The following PDZD2 variants were observed in gnomAD, a reference collection of about 807,000 sequenced individuals.
PDZD2 encodes PDZ domain-containing protein 2.
PDZD2 carries 90 observed loss-of-function variants against 220.7 expected under a neutral mutation model. That is an observed-to-expected ratio of 0.41 (90% CI 0.34 to 0.49). The LOEUF (loss-of-function observed/expected upper bound fraction) is 0.49, where lower values mean the gene tolerates loss of function less well. PDZD2 is among the 20% of genes least tolerant of loss of function. The pLI, the probability that PDZD2 is intolerant of heterozygous loss-of-function variation, is 0.28. For missense variants in PDZD2, 3,174 were observed against 3,608.5 expected (o/e 0.88, Z 3.08); for synonymous variants, 1,375 against 1,450.5 (o/e 0.95, Z 1.18).
rs189870506 is a variant in PDZD2 at position 31,953,449 on chromosome 5, G to T, written c.477-29706G>T. Among the ~76,000 whole-genome samples the T allele has an allele frequency of 7.8e-4, 119 of 152,266 alleles. 1 individual carries two copies. Among genetic ancestry groups the T allele is most frequent in the Non-Finnish European group, 1.6e-4 (11 of 68,034 alleles). On this transcript the variant is annotated intron_variant, in intron 2 of 24. Transcript: ENST00000438447. ...ATCTAGAGTGGCTAAGCCTCCTGAA[G>T]TAAGACTATCAGTGCAGGAAGTCAT...
intron 6 of PDZD2, among the ~76,000 whole-genome samples, chr5:32,018,625 G>A (rs963377125): frequency 4.6e-5 from 7 of 152,234 alleles, no homozygotes; most frequent in African/African-American, 1.7e-4. Flanking sequence ...CCCGCAGCAG[G>A]CGGCCACACA....
At chr5:31,906,700 G>A (rs1051088113) in intron 2 of PDZD2, among the ~76,000 whole-genome samples, 2 of 151,940 alleles carry the variant, frequency 1.3e-5, no homozygotes, top group African/African-American at 2.4e-5. Context: ...AAAATTAGCC[G>A]GGCATGGTGG....
At chr5:32,069,071 G>T (rs1354498875) in intron 14 of PDZD2, among the ~76,000 whole-genome samples, 3 of 152,032 alleles carry the variant, frequency 2.0e-5, no homozygotes, top group African/African-American at 7.2e-5. Context: ...TTCAAGACCA[G>T]CCTGACCAAT....
intron 2 of PDZD2, among the ~76,000 whole-genome samples, chr5:31,800,031 A>G (rs1427807522): frequency 6.6e-6 from 1 of 152,034 alleles, no homozygotes; most frequent in Non-Finnish European, 1.5e-5. Context: ...ATCTGAATGC[A>G]TTGAATACTC....
At position 31,639,950 on chromosome 5, in the gene PDZD2, G is replaced by C. The variant is rs1022746224; in HGVS notation, c.-361+513G>C. 6.6e-6 allele frequency among the ~76,000 whole-genome samples: 1 copy of C among 152,114 alleles called. No individual in the cohort carries two copies. The highest frequency in any genetic ancestry group is 1.5e-5 in the Non-Finnish European group (1 of 68,016). On this transcript the variant is annotated intron_variant, in intron 1 of 24. Transcript: ENST00000438447. This position sits in a 1 kb window ranked among gnomAD's most constrained non-coding sequence, Gnocchi z 4.1. ...GACGCGGGGCGAGGGAATGCAGGGG[G>C]CGCGCAAAGATCAAGGGCATCTTAG...
intron 2 of PDZD2, among the ~76,000 whole-genome samples, chr5:31,826,599 T>C (rs1164715882): frequency 6.7e-6 from 1 of 149,884 alleles, no homozygotes; most frequent in East Asian, 2.0e-4. Flanking sequence ...TCACTTGAAC[T>C]CGGAAGGCAG....
At chr5:31,757,113 G>A (rs374641667) in intron 1 of PDZD2, among the ~76,000 whole-genome samples, 95 of 152,054 alleles carry the variant, frequency 6.2e-4, no homozygotes, top group African/African-American at 2.2e-3. Flanking sequence ...GCAAGACCCT[G>A]TCTCTACAAA....
At chr5:31,996,250 C>G (rs1261683594) in intron 4 of PDZD2, among the ~76,000 whole-genome samples, 1 of 152,088 alleles carries the variant, frequency 6.6e-6, no homozygotes, top group Non-Finnish European at 1.5e-5. Flanking sequence ...GTGAATTTTT[C>G]TCCTTGCGAT....
intron 2 of PDZD2, among the ~76,000 whole-genome samples, chr5:31,970,735 A>G (rs62360565): frequency 0.028 from 4,208 of 152,288 alleles, 83 homozygotes; most frequent in Middle Eastern, 0.051. Flanking sequence ...ATGGGATTCT[A>G]AATTGTCACC....
intron 1 of PDZD2, among the ~76,000 whole-genome samples, chr5:31,705,208 ACATACACACT>A (rs1255009697): frequency 1.4e-4 from 2 of 14,004 alleles, no homozygotes; most frequent in Non-Finnish European, 2.3e-4. Context: ...ACACACACAC[ACATACACACT>A]CACACTCACT....
At chr5:31,964,954 C>G (rs1748594282) in intron 2 of PDZD2, among the ~76,000 whole-genome samples, 1 of 152,064 alleles carries the variant, frequency 6.6e-6, no homozygotes, top group African/African-American at 2.4e-5. Context: ...GATCTCCTGA[C>G]CTCGTGATCC....
In PDZD2 at chr5:32,073,924, G is replaced by T. The variant is rs368620515; in HGVS notation, c.2818G>T (p.Ala940Ser). The T allele has an allele frequency of 1.5e-5, 24 of 1,613,916 alleles. No individual in the cohort carries two copies. The African/African-American group carries it at 3.2e-4, about 22-fold the overall frequency. ...SGLFHKQVTV[A>S]RQASLPGSPQ... ...GCTCTTCCACAAGCAGGTGACAGTT[G>T]CCAGACAAGCCAGTCTCCCCGGAAG... is the stretch of plus-strand genomic sequence containing the variant. Residue 940 changes from alanine (A) to serine (S), a missense_variant, in exon 18 of 25, where the codon GCC (alanine) becomes TCC (serine). Ala to Ser is a moderately conservative substitution (Grantham distance 99). This residue lies in a region of PDZD2 where 1,861 missense variants were observed against 2,001.0 expected (regional missense o/e 0.93). Coordinates refer to ENST00000438447, the MANE Select transcript of PDZD2 (RefSeq NM_178140.4).
At chr5:31,759,144 C>T (rs1183630437) in intron 1 of PDZD2, among the ~76,000 whole-genome samples, 1 of 152,012 alleles carries the variant, frequency 6.6e-6, no homozygotes, top group Non-Finnish European at 1.5e-5. Context: ...CGTGCCCACC[C>T]CCTCCTCCAC....
chr5:31,864,227 CATAGTCTG>C (rs1737985314), intron 2 of PDZD2, among the ~76,000 whole-genome samples: 3 of 152,182 alleles, frequency 2.0e-5, no homozygotes, highest in African/African-American at 7.2e-5. Flanking sequence ...CCAGCTCCTG[CATAGTCTG>C]ATAATGCTGC....
At chr5:31,774,511 C>T (rs571532662) in intron 1 of PDZD2, among the ~76,000 whole-genome samples, 18 of 152,012 alleles carry the variant, frequency 1.2e-4, no homozygotes, top group Middle Eastern at 3.4e-3. Context: ...GTCAGGAGTT[C>T]GAGACCAGCC....
In PDZD2 at chr5:32,110,580, T is replaced by G. The variant is rs1020589748; in HGVS notation, c.*2445T>G. On this transcript the variant is annotated 3_prime_UTR_variant, in exon 25 of 25. Transcript: ENST00000438447. ...TCATTGTTTCTTTTTTTTTAACTGG[T>G]CAGTCATTCACAATAAGCTATGAGG... 6 of 152,616 alleles carry G rather than the reference T, an allele frequency of 3.9e-5. No homozygotes were observed. Among genetic ancestry groups the G allele is most frequent in the African/African-American group, 1.4e-4 (6 of 41,440 alleles). The allele number at this position is 152,616 out of a possible 1,614,324, so 9.5% of individuals were successfully genotyped here.
intron 2 of PDZD2, among the ~76,000 whole-genome samples, chr5:31,942,647 TTATG>T (rs1480687405): frequency 6.6e-6 from 1 of 152,206 alleles, no homozygotes; most frequent in Non-Finnish European, 1.5e-5. Context: ...ACAAAACTCT[TTATG>T]TAAGACTGCG....
chr5:32,001,457 C>T (rs928033039), intron 5 of PDZD2, among the ~76,000 whole-genome samples: 9 of 96,800 alleles, frequency 9.3e-5, no homozygotes, highest in African/African-American at 2.8e-4. Flanking sequence ...GCAGAGCTTC[C>T]GTGGCCACTA....
At chr5:31,995,518 G>A in intron 3 of PDZD2, 58 bp from the exon 4 acceptor site, 1 of 1,599,656 alleles carries the variant, frequency 6.3e-7, no homozygotes, top group Non-Finnish European at 8.6e-7. Flanking sequence ...CCGTTCTCCT[G>A]TGTCAATGCC....
Sources: gnomAD v4.1 joint callset for allele counts (sites outside exome capture counted in the v4.1 genomes callset) on GRCh38, gnomAD v4.1.1 for gene constraint, gnomAD v4.1.1 regional missense constraint, Gnocchi (gnomAD v3.1) non-coding constraint, MANE v1.5 for transcripts, NCBI Gene and HGNC (gene_info 2026-07-23, HGNC 2026-07-21) for gene names.